FSTL5: variants seen among roughly 807,000 people sequenced by gnomAD.
FSTL5 encodes follistatin like 5.
Under a neutral mutation model 89.1 loss-of-function variants are expected in FSTL5, and 62 were observed. That is an observed-to-expected ratio of 0.70 (90% CI 0.57 to 0.86). FSTL5 has a LOEUF of 0.86. FSTL5 is among the 40% of genes least tolerant of loss of function. FSTL5 has a pLI of 0.00. For synonymous variants in FSTL5, 383 were observed against 346.2 expected (o/e 1.11, Z -1.18); for missense variants, 1,057 against 1,001.6 (o/e 1.06, Z -0.75).
intron 2 of FSTL5, among the ~76,000 whole-genome samples, chr4:162,097,671 C>T (rs539241048): frequency 1.6e-3 from 238 of 151,396 alleles, no homozygotes; most frequent in Non-Finnish European, 2.6e-3. Flanking sequence ...TGGAGCAGAC[C>T]CTTCACAAAA....
chr4:161,527,802 C>T (rs1004417276), intron 10 of FSTL5, among the ~76,000 whole-genome samples: 9 of 151,358 alleles, frequency 5.9e-5, no homozygotes, highest in African/African-American at 1.7e-4. Context: ...TGGGTATATA[C>T]CCAAAGGATT....
rs138216215 is a variant in FSTL5, at chr4:161,444,535, G to A, written c.1841+10469C>T. On this transcript the variant is annotated intron_variant, in intron 15 of 15. Transcript: ENST00000306100. Reference sequence around the variant, plus strand: ...TAATGAAAATTCAAAATGCCAAGAGGACTTCAATTAGGGAAATTTCAACAA... The same window carrying A: ...TAATGAAAATTCAAAATGCCAAGAGAACTTCAATTAGGGAAATTTCAACAA... 7.2e-5 allele frequency among the ~76,000 whole-genome samples: 11 copies of A among 151,738 alleles called. No individual in the cohort carries two copies. In the East Asian group the frequency reaches 2.1e-3, roughly 30 times the overall value.
chr4:161,885,507 A>T (rs1254660922), intron 4 of FSTL5, among the ~76,000 whole-genome samples: 1 of 152,134 alleles, frequency 6.6e-6, no homozygotes, highest in African/African-American at 2.4e-5. Flanking sequence ...GTGCAGTGGT[A>T]CAATCTTGGC....
At chr4:162,070,588 G>A (rs1187439075) in intron 2 of FSTL5, among the ~76,000 whole-genome samples, 4 of 151,710 alleles carry the variant, frequency 2.6e-5, no homozygotes, top group African/African-American at 9.7e-5. Flanking sequence ...GTTTTCCTAG[G>A]ACCATTTACT....
intron 5 of FSTL5, among the ~76,000 whole-genome samples, chr4:161,765,391 G>C (rs575659082): frequency 6.6e-6 from 1 of 151,996 alleles, no homozygotes; most frequent in Non-Finnish European, 1.5e-5. Flanking sequence ...GAGATAAAAC[G>C]GCTATTATAA....
At chr4:161,831,955 G>A (rs1487151922) in intron 4 of FSTL5, among the ~76,000 whole-genome samples, 1 of 151,884 alleles carries the variant, frequency 6.6e-6, no homozygotes, top group East Asian at 1.9e-4. Context: ...AAGTGATTCA[G>A]ATACTAATAA....
intron 6 of FSTL5, among the ~76,000 whole-genome samples, chr4:161,704,832 G>A (rs986593290): frequency 2.0e-5 from 3 of 152,026 alleles, no homozygotes; most frequent in Admixed American, 6.6e-5. Flanking sequence ...TCAGGTTTGA[G>A]ACCATCTTCT....
chr4:161,477,631 T>A (rs115258292), intron 13 of FSTL5, among the ~76,000 whole-genome samples: 7,883 of 142,962 alleles, frequency 0.055, 639 homozygotes, highest in African/African-American at 0.18. Flanking sequence ...TTATTTATAA[T>A]TCAGGTCTAT....
chr4:161,409,443 G>A (rs760194337), intron 15 of FSTL5, among the ~76,000 whole-genome samples: 18 of 151,870 alleles, frequency 1.2e-4, no homozygotes, highest in Non-Finnish European at 1.6e-4. Context: ...GTCCAGTGGC[G>A]TGATCTTGGC....
At position 161,884,525 on chromosome 4, in the gene FSTL5, A is replaced by G. The variant is rs202005703; in HGVS notation, c.409+35879T>C. Among the ~76,000 whole-genome samples, 269 of 152,332 alleles carry G rather than the reference A, an allele frequency of 1.8e-3. 5 individuals carry two copies. In the South Asian group the frequency reaches 0.051, roughly 29 times the overall value. On this transcript the variant is annotated intron_variant, in intron 4 of 15. Coordinates refer to ENST00000306100, the MANE Select transcript of FSTL5 (RefSeq NM_020116.5). Reference sequence around the variant, plus strand: ...TATGTTATGAAAACTACTCACACAAAAAAATCTGCAAAACAACAATGAAAA... The same window carrying G: ...TATGTTATGAAAACTACTCACACAAGAAAATCTGCAAAACAACAATGAAAA...
In FSTL5 at chr4:161,822,846, A is replaced by G. The variant is rs141004692; in HGVS notation, c.410-46772T>C. 2.0e-4 allele frequency among the ~76,000 whole-genome samples: 30 copies of G among 152,304 alleles called. 1 individual carries two copies. In the South Asian group the frequency reaches 6.0e-3, roughly 31 times the overall value. On this transcript the variant is annotated intron_variant, in intron 4 of 15. Coordinates refer to ENST00000306100, the MANE Select transcript of FSTL5 (RefSeq NM_020116.5). ...TAAGGCAGAGAAGTTTCACTGAATG[A>G]CAGAACAGCTCTCAGGAGTCCCAAG...
At chr4:161,596,429 C>T (rs926662966) in intron 7 of FSTL5, among the ~76,000 whole-genome samples, 1 of 151,452 alleles carries the variant, frequency 6.6e-6, no homozygotes, top group Non-Finnish European at 1.5e-5. Flanking sequence ...GAAAGCAAAA[C>T]CAAAATGATG....
intron 4 of FSTL5, among the ~76,000 whole-genome samples, chr4:161,840,142 T>C (rs1339032625): frequency 6.6e-6 from 1 of 152,094 alleles, no homozygotes; most frequent in Non-Finnish European, 1.5e-5. Flanking sequence ...AGGGAATGAG[T>C]GAAGAGCGTC....
intron 4 of FSTL5, among the ~76,000 whole-genome samples, chr4:161,800,944 T>C (rs566227784): frequency 2.0e-5 from 3 of 151,664 alleles, no homozygotes; most frequent in East Asian, 3.9e-4. Flanking sequence ...TCGTAGTCTA[T>C]GTGGATAGAT....
chr4:161,404,321 A>T (rs1252338979), intron 15 of FSTL5, among the ~76,000 whole-genome samples: 1 of 152,182 alleles, frequency 6.6e-6, no homozygotes, highest in Non-Finnish European at 1.5e-5. Context: ...TCAGGAGAGG[A>T]TTATTTCGAA....
intron 3 of FSTL5, among the ~76,000 whole-genome samples, chr4:161,971,435 A>T (rs1435672359): frequency 6.6e-6 from 1 of 152,120 alleles, no homozygotes; most frequent in African/African-American, 2.4e-5. Context: ...TTAATTCCTT[A>T]TATTCACATC....
At chr4:161,434,640 T>G (rs1732491659) in intron 15 of FSTL5, among the ~76,000 whole-genome samples, 1 of 151,916 alleles carries the variant, frequency 6.6e-6, no homozygotes, top group Non-Finnish European at 1.5e-5. Flanking sequence ...GACAATGTAT[T>G]GAATGGGAGA....
intron 10 of FSTL5, among the ~76,000 whole-genome samples, chr4:161,523,350 C>T (rs967180354): frequency 6.6e-6 from 1 of 152,156 alleles, no homozygotes; most frequent in Non-Finnish European, 1.5e-5. Context: ...GGAAATGATG[C>T]TCTGTGAACC....
At chr4:161,738,452 G>T (rs893945567) in intron 6 of FSTL5, among the ~76,000 whole-genome samples, 2 of 151,808 alleles carry the variant, frequency 1.3e-5, no homozygotes. Flanking sequence ...ATAGAGAAAG[G>T]GTGTTCAATC....
Sources: gnomAD v4.1 joint callset for allele counts (sites outside exome capture counted in the v4.1 genomes callset) on GRCh38, gnomAD v4.1.1 for gene constraint, MANE v1.5 for transcripts, NCBI Gene and HGNC (gene_info 2026-07-23, HGNC 2026-07-21) for gene names.